Variants in PCDHGA11 observed in about 807,000 individuals in gnomAD.
PCDHGA11 encodes the protein protocadherin gamma-A11.
Under a neutral mutation model 60.4 loss-of-function variants are expected in PCDHGA11, and 39 were observed. The ratio of observed to expected loss-of-function variants is 0.65; its 90% CI spans 0.50 to 0.84. PCDHGA11 has a LOEUF of 0.84. Among genes scored for constraint, PCDHGA11 ranks in the 40% least tolerant of loss-of-function variants. PCDHGA11 has a pLI of 0.00. For missense variants in PCDHGA11, 1,165 were observed against 1,197.7 expected (o/e 0.97, Z 0.40); for synonymous variants, 533 against 510.3 (o/e 1.04, Z -0.60).
At position 141,477,761 on chromosome 5, in the gene PCDHGA11, AC is replaced by A. The variant is rs754006143; in HGVS notation, c.2434-17044del. ...CGATGGGGGCACCCCGGTCCTAGCC[AC>A]CAACATCAGCGTGAACATATTTGTC... On this transcript the variant is annotated intron_variant, in intron 1 of 3. Coordinates refer to ENST00000398587, the MANE Select transcript of PCDHGA11 (RefSeq NM_018914.3). This position sits in a 1 kb window ranked among gnomAD's most constrained non-coding sequence, Gnocchi z 4.9. 5 of 1,613,854 alleles carry A rather than the reference AC, an allele frequency of 3.1e-6. No homozygotes were observed. Among genetic ancestry groups the A allele is most frequent in the Non-Finnish European group, 4.2e-6 (5 of 1,180,044 alleles).
Position 141,486,971 on chromosome 5 carries a change from T to G in PCDHGA11, c.2434-7836T>G. ...AAAGGTGACTGCTGTGGACTTGGAT[T>G]CAGGTTACAATGCTTGGGTTTCCTA... On this transcript the variant is annotated intron_variant, in intron 1 of 3. Transcript: ENST00000398587. The surrounding 1 kb of genome is among the most constrained non-coding windows in gnomAD (Gnocchi z 5.0). The G allele has an allele frequency of 6.2e-7, 1 of 1,614,220 alleles. No homozygotes were observed. The highest frequency in any genetic ancestry group is 8.5e-7 in the Non-Finnish European group (1 of 1,180,042).
intron 1 of PCDHGA11, among the ~76,000 whole-genome samples, chr5:141,488,190 G>A (rs1162264945): frequency 1.3e-5 from 2 of 152,164 alleles, no homozygotes; most frequent in African/African-American, 4.8e-5. Flanking sequence ...CTTTTGGTCT[G>A]GGTCTTAGGA....
rs73794918 is a variant in PCDHGA11, at chr5:141,443,711, A to G, written c.2433+20051A>G. On this transcript the variant is annotated intron_variant, in intron 1 of 3. Coordinates refer to ENST00000398587, the MANE Select transcript of PCDHGA11 (RefSeq NM_018914.3). ...TCAAAAATTATAGAATAACATTTGC[A>G]TATAAAATTCCTCATACATTTCCCT... 9.8e-3 allele frequency among the ~76,000 whole-genome samples: 1,497 copies of G among 152,340 alleles called. 25 individuals are homozygous for G. Among genetic ancestry groups the G allele is most frequent in the African/African-American group, 0.033 (1,382 of 41,580 alleles).
intron 1 of PCDHGA11, among the ~76,000 whole-genome samples, chr5:141,468,798 G>A (rs895012127): frequency 7.9e-5 from 12 of 151,646 alleles, no homozygotes; most frequent in East Asian, 2.0e-4. Context: ...CCCGGGAGGC[G>A]GAACTTGCAG....
chr5:141,490,421 C>T lies in PCDHGA11; in HGVS notation c.2434-4386C>T. On this transcript the variant is annotated intron_variant, in intron 1 of 3. Coordinates refer to ENST00000398587, the MANE Select transcript of PCDHGA11 (RefSeq NM_018914.3). The surrounding 1 kb of genome is among the most constrained non-coding windows in gnomAD (Gnocchi z 5.4). ...AGCCTTGATATCTCTCCGGACCTGCCATTTCAGATTAAGCCTTCTGAGAAC... is the reference window on the plus strand; with the variant it reads ...AGCCTTGATATCTCTCCGGACCTGCTATTTCAGATTAAGCCTTCTGAGAAC... 1 of 1,614,192 alleles carries T rather than the reference C, an allele frequency of 6.2e-7. No homozygotes were observed. The highest frequency in any genetic ancestry group is 8.5e-7 in the Non-Finnish European group (1 of 1,180,016).
At chr5:141,429,770 A>T (rs2097244120) in intron 1 of PCDHGA11, among the ~76,000 whole-genome samples, 1 of 152,122 alleles carries the variant, frequency 6.6e-6, no homozygotes, top group Admixed American at 6.6e-5. Context: ...CTATATTTTG[A>T]TGGGCTTCCA....
intron 1 of PCDHGA11, among the ~76,000 whole-genome samples, chr5:141,475,299 T>C (rs1227132122): frequency 6.6e-6 from 1 of 152,204 alleles, no homozygotes; most frequent in Non-Finnish European, 1.5e-5. Context: ...AAATTTCTTA[T>C]TGCTCCCTGG....
At chr5:141,475,980 C>T (rs758066578) in intron 1 of PCDHGA11, 45 of 1,028,498 alleles carry the variant, frequency 4.4e-5, no homozygotes, top group Non-Finnish European at 6.2e-5. Flanking sequence ...ACTGAACAGC[C>T]GGCGAGCAAA....
rs376395066 is a variant in PCDHGA11 at position 141,490,681 on chromosome 5, C to G, written c.2434-4126C>G. On this transcript the variant is annotated intron_variant, in intron 1 of 3. Transcript: ENST00000398587. The surrounding 1 kb of genome is among the most constrained non-coding windows in gnomAD (Gnocchi z 5.4). ...TCTTTGCACTGTGGCTGCCTCAGATCCAGACACTGGGGATAATGCCCGCCT... is the reference window on the plus strand; with the variant it reads ...TCTTTGCACTGTGGCTGCCTCAGATGCAGACACTGGGGATAATGCCCGCCT... 2.5e-6 allele frequency: 4 copies of G among 1,613,998 alleles called. No homozygotes were observed. In the African/African-American group the frequency reaches 4.0e-5, roughly 16 times the overall value.
intron 1 of PCDHGA11, chr5:141,439,898 C>T (rs1428014089): frequency 6.6e-6 from 1 of 152,344 alleles, no homozygotes; most frequent in African/African-American, 2.4e-5. Context: ...ACCAAGGCGA[C>T]TACTGCCTCC....
At chr5:141,457,318 C>T (rs990268003) in intron 1 of PCDHGA11, among the ~76,000 whole-genome samples, 3 of 152,238 alleles carry the variant, frequency 2.0e-5, no homozygotes, top group South Asian at 2.1e-4. Context: ...AAGAAACCTC[C>T]GGGTTACAGG....
chr5:141,482,109 C>G (rs972542276), intron 1 of PCDHGA11, among the ~76,000 whole-genome samples: 2 of 149,582 alleles, frequency 1.3e-5, no homozygotes, highest in African/African-American at 2.5e-5. Context: ...AAAAAAATAT[C>G]TAGAGATGGG....
chr5:141,476,238 G>C lies in PCDHGA11; in HGVS notation c.2434-18569G>C, dbSNP rs764976894. ...ATTCACTATGAGATCCCGGAGGAAA[G>C]AGAGAAGGGTTTCGCTGTGGGCAAC... On this transcript the variant is annotated intron_variant, in intron 1 of 3. Coordinates refer to ENST00000398587, the MANE Select transcript of PCDHGA11 (RefSeq NM_018914.3). The surrounding 1 kb of genome is among the most constrained non-coding windows in gnomAD (Gnocchi z 7.6). 1 of 1,614,098 alleles carries C rather than the reference G, an allele frequency of 6.2e-7. No individual in the cohort carries two copies.
intron 2 of PCDHGA11, among the ~76,000 whole-genome samples, chr5:141,495,702 T>G (rs1462896403): frequency 6.6e-6 from 1 of 152,212 alleles, no homozygotes; most frequent in African/African-American, 2.4e-5. Context: ...TCAATAAATG[T>G]GGAGTGAGTA....
At chr5:141,457,098 T>G (rs1179930043) in intron 1 of PCDHGA11, among the ~76,000 whole-genome samples, 1 of 152,242 alleles carries the variant, frequency 6.6e-6, no homozygotes, top group Non-Finnish European at 1.5e-5. Flanking sequence ...AGGATACTAA[T>G]TAAGCAAAAT....
intron 1 of PCDHGA11, among the ~76,000 whole-genome samples, chr5:141,455,460 A>G (rs1175234914): frequency 1.3e-5 from 2 of 152,186 alleles, no homozygotes; most frequent in Non-Finnish European, 2.9e-5. Flanking sequence ...GATACCAGCC[A>G]GGTATATATG....
chr5:141,427,751 C>T (rs778043340), intron 1 of PCDHGA11: 1 of 1,306,072 alleles, frequency 7.7e-7, no homozygotes, highest in South Asian at 1.2e-5. Flanking sequence ...CCTACTCCAT[C>T]GTTACCACTG....
intron 1 of PCDHGA11, among the ~76,000 whole-genome samples, chr5:141,482,385 A>T (rs1238551737): frequency 6.6e-6 from 1 of 152,210 alleles, no homozygotes; most frequent in Non-Finnish European, 1.5e-5. Context: ...AAGTCCCTGT[A>T]TGGAGCAAGT....
intron 1 of PCDHGA11, among the ~76,000 whole-genome samples, chr5:141,444,472 C>T (rs559334960): frequency 2.1e-4 from 32 of 151,968 alleles, no homozygotes; most frequent in Admixed American, 1.5e-3. Flanking sequence ...CGCCCGGTCG[C>T]GTACTGGATT....
Sources: allele counts gnomAD v4.1 joint callset (sites outside exome capture counted in the v4.1 genomes callset), GRCh38; gene constraint gnomAD v4.1.1; non-coding constraint Gnocchi (gnomAD v3.1); transcripts MANE v1.5; gene names NCBI Gene and HGNC (gene_info 2026-07-23, HGNC 2026-07-21).